The following ERGIC1 variants were observed in gnomAD, a reference collection of about 807,000 sequenced individuals.
The protein encoded by ERGIC1 is endoplasmic reticulum-golgi intermediate compartment 1.
In ERGIC1, 19 loss-of-function variants were observed where a neutral mutation model predicts 38.3. That is an observed-to-expected ratio of 0.50 (90% CI 0.35 to 0.73). ERGIC1 has a LOEUF of 0.73. Among genes scored for constraint, ERGIC1 ranks in the 30% least tolerant of loss-of-function variants. ERGIC1 has a pLI of 0.01. For synonymous variants in ERGIC1, 124 were observed against 157.6 expected, an observed-to-expected ratio of 0.79 and a Z score of 1.60; for missense variants, 294 against 389.2, an observed-to-expected ratio of 0.76 and a Z score of 2.06.
chr5:172,921,344 G>A (rs1282442572), intron 5 of ERGIC1, among the ~76,000 whole-genome samples: 1 of 152,228 alleles, frequency 6.6e-6, no homozygotes, highest in African/African-American at 2.4e-5. Context: ...CTTTGTTTCT[G>A]CTCCACTCCT....
At chr5:172,877,937 C>T (rs969037303) in intron 1 of ERGIC1, among the ~76,000 whole-genome samples, 6 of 152,170 alleles carry the variant, frequency 3.9e-5, no homozygotes, top group Non-Finnish European at 7.3e-5. Context: ...GGGGCTGGGC[C>T]GGGTATAGTC....
intron 1 of ERGIC1, among the ~76,000 whole-genome samples, chr5:172,870,332 C>A (rs919010528): frequency 6.6e-6 from 1 of 152,298 alleles, no homozygotes; most frequent in East Asian, 1.9e-4. Context: ...AGCTGGGAGG[C>A]TTTCTATGGA....
intron 1 of ERGIC1, among the ~76,000 whole-genome samples, chr5:172,841,923 A>G (rs938556904): frequency 6.6e-6 from 1 of 152,212 alleles, no homozygotes; most frequent in South Asian, 2.1e-4. Context: ...CTTGTTTATC[A>G]TGTAATCACC....
chr5:172,914,396 C>T (rs1581569903), intron 4 of ERGIC1, among the ~76,000 whole-genome samples: 1 of 152,142 alleles, frequency 6.6e-6, no homozygotes, highest in East Asian at 1.9e-4. Flanking sequence ...TTATGGTCAG[C>T]CCCCCATCTT....
intron 2 of ERGIC1, among the ~76,000 whole-genome samples, chr5:172,893,911 G>GTATATATATATATATACACACATA (rs1581549097): frequency 5.7e-5 from 2 of 35,070 alleles, no homozygotes; most frequent in African/African-American, 2.1e-4. Context: ...ATATATGTGT[G>GTATATATATATATATACACACATA]TGTGTGTGTG....
chr5:172,896,697 G>A (rs1165204231), intron 2 of ERGIC1, among the ~76,000 whole-genome samples: 4 of 152,252 alleles, frequency 2.6e-5, no homozygotes, highest in South Asian at 2.1e-4. Flanking sequence ...GTGGGCCACC[G>A]GTTTGCAGCC....
intron 1 of ERGIC1, among the ~76,000 whole-genome samples, chr5:172,887,049 G>A (rs1350971110): frequency 1.3e-5 from 2 of 152,184 alleles, no homozygotes; most frequent in East Asian, 1.9e-4. Context: ...TTGGCAGCCC[G>A]CAGGAATTTT....
chr5:172,925,965 T>C (rs1763641517), intron 6 of ERGIC1, among the ~76,000 whole-genome samples: 1 of 152,162 alleles, frequency 6.6e-6, no homozygotes, highest in Non-Finnish European at 1.5e-5. Flanking sequence ...ACATCTGCTA[T>C]ACGTTCTCTG....
intron 5 of ERGIC1, chr5:172,920,545 G>A (rs755391896): frequency 2.5e-5 from 17 of 682,160 alleles, no homozygotes; most frequent in East Asian, 5.4e-5. Flanking sequence ...AGACACTGAC[G>A]TAGGTTCCTA....
intron 3 of ERGIC1, chr5:172,905,310 A>G: frequency 2.9e-6 from 1 of 342,102 alleles, no homozygotes; most frequent in South Asian, 2.3e-5. Context: ...AGCTCTCCAG[A>G]GTTGCACATT....
chr5:172,919,469 C>T lies in ERGIC1; in HGVS notation c.376-4536C>T, dbSNP rs146599061. Among the ~76,000 whole-genome samples, 1,390 of 152,308 alleles carry T rather than the reference C, an allele frequency of 9.1e-3. 22 individuals carry two copies. The highest frequency in any genetic ancestry group is 0.032 in the African/African-American group (1,320 of 41,560). On this transcript the variant is annotated intron_variant, in intron 5 of 9. Coordinates refer to ENST00000393784, the MANE Select transcript of ERGIC1 (RefSeq NM_001031711.3). Reference sequence around the variant, plus strand: ...AAGCCCTCCCACCTCTTGGCAAACACGCCCAAGACTGCAGTCTGCTCCCCT... The same window carrying T: ...AAGCCCTCCCACCTCTTGGCAAACATGCCCAAGACTGCAGTCTGCTCCCCT...
intron 9 of ERGIC1, among the ~76,000 whole-genome samples, chr5:172,946,055 T>A (rs1324588381): frequency 6.6e-6 from 1 of 152,216 alleles, no homozygotes; most frequent in Non-Finnish European, 1.5e-5. Context: ...TAGTAAGTGA[T>A]GCCACGATGC....
At chr5:172,854,338 C>T (rs968458162) in intron 1 of ERGIC1, among the ~76,000 whole-genome samples, 3 of 152,142 alleles carry the variant, frequency 2.0e-5, no homozygotes, top group African/African-American at 7.2e-5. Context: ...GCTGTGTTCA[C>T]GCCACTTCCA....
intron 1 of ERGIC1, among the ~76,000 whole-genome samples, chr5:172,878,442 A>G (rs778020918): frequency 1.3e-5 from 2 of 152,214 alleles, no homozygotes; most frequent in Non-Finnish European, 2.9e-5. Context: ...TAAAACAGAA[A>G]GAATGCTACT....
chr5:172,837,362 G>A lies in ERGIC1; in HGVS notation c.20+2929G>A, dbSNP rs1761061614. Among the ~76,000 whole-genome samples the A allele has an allele frequency of 1.3e-5, 2 of 152,230 alleles. No individual in the cohort carries two copies. Among genetic ancestry groups the A allele is most frequent in the Admixed American group, 6.5e-5 (1 of 15,284 alleles). Reference sequence around the variant, plus strand: ...AGTAAGCGCCTCATCCATTTTGGCCGCCATATTTATTTGTGTCATTTTATT... The same window carrying A: ...AGTAAGCGCCTCATCCATTTTGGCCACCATATTTATTTGTGTCATTTTATT... On this transcript the variant is annotated intron_variant, in intron 1 of 9. Transcript: ENST00000393784. This position sits in a 1 kb window ranked among gnomAD's most constrained non-coding sequence, Gnocchi z 4.3.
chr5:172,856,236 G>A (rs1315643641), intron 1 of ERGIC1, among the ~76,000 whole-genome samples: 4 of 152,160 alleles, frequency 2.6e-5, no homozygotes, highest in African/African-American at 4.8e-5. Context: ...GAGAAGCTGT[G>A]ACCAGCCTGG....
chr5:172,842,367 CTTTT>C (rs1379027160), intron 1 of ERGIC1, among the ~76,000 whole-genome samples: 2 of 152,140 alleles, frequency 1.3e-5, no homozygotes, highest in Non-Finnish European at 2.9e-5. Context: ...ACAGAATTTC[CTTTT>C]TTAAGGCTGA....
At chr5:172,866,816 A>G (rs1761875755) in intron 1 of ERGIC1, among the ~76,000 whole-genome samples, 1 of 152,292 alleles carries the variant, frequency 6.6e-6, no homozygotes, top group African/African-American at 2.4e-5. Context: ...TGCTTATCTC[A>G]TTCTGTAACT....
intron 1 of ERGIC1, among the ~76,000 whole-genome samples, chr5:172,887,174 G>A (rs977377680): frequency 1.3e-5 from 2 of 152,162 alleles, no homozygotes; most frequent in Non-Finnish European, 2.9e-5. Context: ...GGGTTTAGCT[G>A]GGCATACTCT....
Sources: allele counts gnomAD v4.1 joint callset (sites outside exome capture counted in the v4.1 genomes callset), GRCh38; gene constraint gnomAD v4.1.1; non-coding constraint Gnocchi (gnomAD v3.1); transcripts MANE v1.5; gene names NCBI Gene and HGNC (gene_info 2026-07-23, HGNC 2026-07-21).